UAP1: variants seen among roughly 807,000 people sequenced by gnomAD.
The protein encoded by UAP1 is UDP-N-acetylglucosamine pyrophosphorylase 1.
A neutral mutation model predicts 58.5 loss-of-function variants in UAP1; 25 were observed. The observed-to-expected ratio is 0.43, with a 90% CI of 0.31 to 0.60. UAP1 has a LOEUF of 0.60. UAP1 is among the 20% of genes least tolerant of loss of function. The pLI, the probability that UAP1 is intolerant of heterozygous loss-of-function variation, is 0.11. For missense variants in UAP1, 575 were observed against 630.0 expected, an observed-to-expected ratio of 0.91 and a Z score of 0.93; for synonymous variants, 208 against 213.0, an observed-to-expected ratio of 0.98 and a Z score of 0.21.
chr1:162,594,388 G>A (rs1655502784), intron 9 of UAP1, among the ~76,000 whole-genome samples: 1 of 152,222 alleles, frequency 6.6e-6, no homozygotes, highest in African/African-American at 2.4e-5. Flanking sequence ...AGTAATGTGA[G>A]TGGTGGGGAG....
chr1:162,574,562 A>G (rs1654061992), intron 2 of UAP1, among the ~76,000 whole-genome samples: 1 of 152,230 alleles, frequency 6.6e-6, no homozygotes, highest in Non-Finnish European at 1.5e-5. Flanking sequence ...CTTAGCCTAT[A>G]ATTGTGGCCA....
intron 2 of UAP1, among the ~76,000 whole-genome samples, chr1:162,573,294 T>C (rs2101754141): frequency 6.6e-6 from 1 of 152,176 alleles, no homozygotes; most frequent in East Asian, 1.9e-4. Flanking sequence ...GCACAACCTC[T>C]GGTGGCAGGG....
chr1:162,600,806 A>T (rs886521471), downstream of UAP1, among the ~76,000 whole-genome samples: 4 of 152,172 alleles, frequency 2.6e-5, no homozygotes, highest in African/African-American at 9.6e-5. Context: ...CAAAAAGATT[A>T]GTGAAGTTTG....
chr1:162,573,379 G>A (rs1468159836), intron 2 of UAP1, among the ~76,000 whole-genome samples: 1 of 152,218 alleles, frequency 6.6e-6, no homozygotes, highest in East Asian at 1.9e-4. Flanking sequence ...GACCCTGGGC[G>A]AGACTCTTAA....
In UAP1 at chr1:162,592,731, G is replaced by A. The variant is rs1458005671; in HGVS notation, c.1359-1G>A. ...ATTAATCCTTATTTATTCCCACATAGCAGTGCTACAAATGGGAAGTCAGAG... is the reference window on the plus strand; with the variant it reads ...ATTAATCCTTATTTATTCCCACATAACAGTGCTACAAATGGGAAGTCAGAG... On this transcript the variant is annotated splice_acceptor_variant, in intron 8 of 10. Coordinates refer to ENST00000271469, the Ensembl canonical transcript of UAP1. LOFTEE classifies it high-confidence loss of function. 5.2e-6 allele frequency: 8 copies of A among 1,546,862 alleles called. No homozygotes were observed. Among genetic ancestry groups the A allele is most frequent in the Admixed American group, 2.0e-5 (1 of 50,956 alleles).
chr1:162,577,504 A>G (rs990407746), intron 3 of UAP1, among the ~76,000 whole-genome samples: 1 of 127,686 alleles, frequency 7.8e-6, no homozygotes, highest in Non-Finnish European at 1.5e-5. Flanking sequence ...GCTGGAGTGC[A>G]GTAGTGCAGT....
At chr1:162,600,895 A>G (rs1428888896), downstream of UAP1, among the ~76,000 whole-genome samples, 1 of 152,206 alleles carries the variant, frequency 6.6e-6, no homozygotes, top group African/African-American at 2.4e-5. Flanking sequence ...CCAAAAACTG[A>G]TACTAATGGT....
At chr1:162,597,920 A>G in intron 10 of UAP1, 62 bp downstream of exon 10, 1 of 1,431,198 alleles carries the variant, frequency 7.0e-7, no homozygotes, top group Non-Finnish European at 9.7e-7. Context: ...CAAAATAATG[A>G]AAAAGTGGAT....
At chr1:162,576,932 C>G (rs759893851) in exon 3 of UAP1, 1 of 1,614,130 alleles carries the variant, frequency 6.2e-7, no homozygotes, top group Non-Finnish European at 8.5e-7. Flanking sequence ...TATCCTGAAG[C>G]TACAGCAGGT....
At chr1:162,578,677 C>A (rs1030478267) in intron 3 of UAP1, among the ~76,000 whole-genome samples, 1 of 152,196 alleles carries the variant, frequency 6.6e-6, no homozygotes, top group African/African-American at 2.4e-5. Context: ...TATATCCAAA[C>A]CTTTTGTACC....
chr1:162,568,983 T>A lies in UAP1; in HGVS notation c.280+2635T>A, dbSNP rs1466019519. Among the ~76,000 whole-genome samples, 5 of 152,214 alleles carry A rather than the reference T, an allele frequency of 3.3e-5. No homozygotes were observed. The East Asian group carries it at 9.6e-4, about 29-fold the overall frequency. On this transcript the variant is annotated intron_variant, in intron 2 of 10. Transcript: ENST00000271469. ...AAAATCCGGAACTATTAGAACCAAG[T>A]ATAGCATAACACGGTGCAAACTTCC... is the stretch of plus-strand genomic sequence containing the variant.
intron 5 of UAP1, among the ~76,000 whole-genome samples, chr1:162,585,923 T>G (rs1440272480): frequency 2.0e-5 from 3 of 152,156 alleles, no homozygotes; most frequent in Non-Finnish European, 4.4e-5. Context: ...CCATGATTGA[T>G]TTAAATAATT....
intron 2 of UAP1, among the ~76,000 whole-genome samples, chr1:162,571,977 T>C (rs1653892775): frequency 6.6e-6 from 1 of 152,236 alleles, no homozygotes; most frequent in Non-Finnish European, 1.5e-5. Flanking sequence ...CACTGTTTGC[T>C]CATAAGTGAG....
intron 2 of UAP1, among the ~76,000 whole-genome samples, chr1:162,571,932 A>G (rs1178301278): frequency 6.6e-6 from 1 of 152,212 alleles, no homozygotes; most frequent in East Asian, 1.9e-4. Context: ...GCTGGCCTTG[A>G]TTCTCCAGGA....
At chr1:162,597,251 T>C (rs1001762382) in intron 9 of UAP1, 2 of 152,248 alleles carry the variant, frequency 1.3e-5, no homozygotes, top group African/African-American at 4.8e-5. Flanking sequence ...GTGATTATTA[T>C]GACTGAGAAA....
At chr1:162,565,495 G>A (rs1187692562) in intron 1 of UAP1, among the ~76,000 whole-genome samples, 2 of 152,088 alleles carry the variant, frequency 1.3e-5, no homozygotes, top group East Asian at 1.9e-4. Flanking sequence ...CTTATTATAG[G>A]TTGTTCTGTC....
At chr1:162,592,940 C>G (rs1001202309) in intron 9 of UAP1, among the ~76,000 whole-genome samples, 158 bp downstream of exon 9, 1 of 152,142 alleles carries the variant, frequency 6.6e-6, no homozygotes, top group African/African-American at 2.4e-5. Flanking sequence ...GCAGGTATCT[C>G]TCTGGATGAC....
At chr1:162,565,639 A>G (rs990044773) in intron 1 of UAP1, among the ~76,000 whole-genome samples, 1 of 152,210 alleles carries the variant, frequency 6.6e-6, no homozygotes, top group Admixed American at 6.5e-5. Context: ...GAGGACTAAT[A>G]CAGAGACAAC....
At chr1:162,598,015 A>AT (rs1423669601) in intron 10 of UAP1, among the ~76,000 whole-genome samples, 157 bp downstream of exon 10, 1 of 152,210 alleles carries the variant, frequency 6.6e-6, no homozygotes, top group African/African-American at 2.4e-5. Context: ...TCGACAGTGT[A>AT]TATATGCATT....
Sources: gnomAD v4.1 joint callset for allele counts (sites outside exome capture counted in the v4.1 genomes callset) on GRCh38, gnomAD v4.1.1 for gene constraint, MANE v1.5 for transcripts, NCBI Gene and HGNC (gene_info 2026-07-23, HGNC 2026-07-21) for gene names.